DDX42: variants seen among roughly 807,000 people sequenced by gnomAD.
The protein encoded by DDX42 is DEAD-box helicase 42, also known as ATP-dependent RNA helicase DDX42.
In DDX42, 22 loss-of-function variants were observed where a neutral mutation model predicts 101.5. The observed-to-expected ratio is 0.22, with a 90% CI of 0.15 to 0.31. DDX42 has a LOEUF of 0.31. Ranked by LOEUF, DDX42 falls within the 10% of genes least tolerant of loss-of-function variation. The probability of loss-of-function intolerance (pLI) is 1.00; values close to 1 mark genes in which losing one functional copy is unlikely to be tolerated. For synonymous variants in DDX42, 402 were observed against 401.2 expected, an observed-to-expected ratio of 1.00 and a Z score of -0.02; for missense variants, 849 against 1,199.9, an observed-to-expected ratio of 0.71 and a Z score of 4.32.
intron 1 of DDX42, among the ~76,000 whole-genome samples, chr17:63,785,600 C>CT (rs57105023): frequency 0.029 from 2,374 of 80,514 alleles, 54 homozygotes; most frequent in African/African-American, 0.16. Context: ...GACCCTGTTC[C>CT]TTAAAAAAAA....
intron 16 of DDX42, among the ~76,000 whole-genome samples, chr17:63,816,255 T>C (rs2039975655): frequency 6.6e-6 from 1 of 152,212 alleles, no homozygotes; most frequent in South Asian, 2.1e-4. Context: ...CCAGTATACT[T>C]TTCTGGAGCA....
At chr17:63,800,039 C>T (rs964764548) in intron 5 of DDX42, 1 of 214,994 alleles carries the variant, frequency 4.7e-6, no homozygotes, top group Non-Finnish European at 9.2e-6. Context: ...GTCCATTAGT[C>T]TCTTTTCCCC....
intron 8 of DDX42, among the ~76,000 whole-genome samples, chr17:63,807,005 T>G (rs1416849279): frequency 6.6e-6 from 1 of 152,244 alleles, no homozygotes; most frequent in Non-Finnish European, 1.5e-5. Context: ...CATTTATATA[T>G]GGGATTTATT....
At chr17:63,796,456 A>G (rs1266193222) in intron 3 of DDX42, among the ~76,000 whole-genome samples, 1 of 152,190 alleles carries the variant, frequency 6.6e-6, no homozygotes, top group African/African-American at 2.4e-5. Context: ...AGCTGAGATT[A>G]CAGGCATGTG....
intron 1 of DDX42, among the ~76,000 whole-genome samples, chr17:63,784,579 G>A (rs1199225865): frequency 6.6e-6 from 1 of 151,816 alleles, no homozygotes; most frequent in Non-Finnish European, 1.5e-5. Context: ...CCAGGATTTC[G>A]AGACCAGCCT....
chr17:63,794,638 A>T (rs2039670320), intron 3 of DDX42, among the ~76,000 whole-genome samples: 1 of 149,746 alleles, frequency 6.7e-6, no homozygotes, highest in Admixed American at 6.7e-5. Flanking sequence ...CTGTCTATAA[A>T]AAAAAAAAAA....
At chr17:63,813,518 G>A in intron 15 of DDX42, 64 bp downstream of exon 15, 2 of 1,444,414 alleles carry the variant, frequency 1.4e-6, no homozygotes, top group Non-Finnish European at 9.5e-7. Flanking sequence ...TAGCAGTCCT[G>A]GAACAGATAA....
At chr17:63,774,803 A>G (rs1046611408) in intron 1 of DDX42, 13 of 152,214 alleles carry the variant, frequency 8.5e-5, no homozygotes, top group African/African-American at 3.1e-4. Flanking sequence ...GTGAAAAGAT[A>G]TAGGCGATGA....
intron 13 of DDX42, chr17:63,811,406 T>A (rs1052900092): frequency 2.4e-6 from 1 of 416,818 alleles, no homozygotes. Flanking sequence ...TCATTTTGTG[T>A]TTTTTTTGTT....
chr17:63,799,474 T>C, intron 4 of DDX42, 115 bp from the exon 5 acceptor site: 1 of 1,089,878 alleles, frequency 9.2e-7, no homozygotes, highest in Non-Finnish European at 1.4e-6. Context: ...GCTTTGTTAT[T>C]ATTAGTGTTG....
In DDX42 at chr17:63,818,752, GC is replaced by G. The variant is rs1358037449; in HGVS notation, c.*355del. On this transcript the variant is annotated 3_prime_UTR_variant, in exon 18 of 18. Transcript: ENST00000389924. Reference sequence around the variant, plus strand: ...TTTTTACTAAGGTGTCACCTTATAAGCATCTATAAATTGACTTCTTTTTCTT... The same window carrying G: ...TTTTTACTAAGGTGTCACCTTATAAGATCTATAAATTGACTTCTTTTTCTT... 1.1e-5 allele frequency: 2 copies of G among 184,164 alleles called. No homozygotes were observed. The highest frequency in any genetic ancestry group is 4.7e-5 in the African/African-American group (2 of 42,484). 11.4% of individuals were successfully genotyped at this position (184,164 alleles called of 1,614,324 possible).
intron 6 of DDX42, among the ~76,000 whole-genome samples, chr17:63,804,052 AAATAC>A (rs1336619312): frequency 6.6e-6 from 1 of 152,212 alleles, no homozygotes; most frequent in African/African-American, 2.4e-5. Flanking sequence ...AGATTTGTGA[AAATAC>A]AATAGTGTCA....
In DDX42 at chr17:63,795,997, C is replaced by CA. The variant is rs1381616772; in HGVS notation, c.373-2040dup. On this transcript the variant is annotated intron_variant, in intron 3 of 17. Coordinates refer to ENST00000389924, the MANE Select transcript of DDX42 (RefSeq NM_203499.3). ...CTATTCAGGGTATACGTGTGTCTTGCAGCATAGTAGGTATTTAGTTAATAT... is the reference window on the plus strand; with the variant it reads ...CTATTCAGGGTATACGTGTGTCTTGCAAGCATAGTAGGTATTTAGTTAATAT... Among the ~76,000 whole-genome samples the CA allele has an allele frequency of 2.6e-5, 4 of 152,298 alleles. No homozygotes were observed. The East Asian group carries it at 7.7e-4, about 29-fold the overall frequency.
intron 9 of DDX42, among the ~76,000 whole-genome samples, chr17:63,808,190 T>G (rs1340205443): frequency 6.6e-6 from 1 of 152,216 alleles, no homozygotes; most frequent in Non-Finnish European, 1.5e-5. Context: ...TTTATTTGCT[T>G]TTTTTGAGAC....
Position 63,807,859 on chromosome 17 carries a change from A to G in DDX42, c.982A>G (p.Ile328Val), listed in dbSNP as rs1321559571. 3.1e-6 allele frequency: 5 copies of G among 1,613,892 alleles called. No homozygotes were observed. Among genetic ancestry groups the G allele is most frequent in the African/African-American group, 1.3e-5 (1 of 74,922 alleles). ...QKELEPGDGP[I>V]AVIVCPTREL... ...GGAGTTGGAACCAGGTGATGGACCA[A>G]TTGCAGTGATTGTGTGTCCTACCAG... The change falls in exon 9 of 18, where the codon ATT becomes GTT. Residue 328 changes from isoleucine to valine, a missense_variant. Around this residue, in one of 5 missense-constraint regions of DDX42, gnomAD observed 370 missense variants for 608.8 expected, o/e 0.61. Coordinates refer to ENST00000389924, the MANE Select transcript of DDX42 (RefSeq NM_203499.3).
chr17:63,774,267 C>T lies in DDX42; in HGVS notation c.-126C>T, dbSNP rs1447180800. 1.3e-5 allele frequency: 4 copies of T among 297,148 alleles called. No homozygotes were observed. Among genetic ancestry groups the T allele is most frequent in the South Asian group, 8.4e-5 (1 of 11,862 alleles). The allele number at this position is 297,148 out of a possible 1,614,324, so 18.4% of individuals were successfully genotyped here. ...GTGGCGGCGGCGGCGGCGAAGGGGG[C>T]GGAGAGGAAGGAGCGCGGCGGGACC... is the stretch of plus-strand genomic sequence containing the variant. On this transcript the variant is annotated 5_prime_UTR_variant, in exon 1 of 18. Transcript: ENST00000389924.
At chr17:63,789,380 A>G (rs912886269) in intron 2 of DDX42, among the ~76,000 whole-genome samples, 2 of 151,836 alleles carry the variant, frequency 1.3e-5, no homozygotes, top group Admixed American at 6.6e-5. Context: ...TGCCTGGCCA[A>G]TTTTTTATTC....
At position 63,808,716 on chromosome 17, in the gene DDX42, C is replaced by T. The variant is rs769994244; in HGVS notation, c.1024-104C>T. On this transcript the variant is annotated intron_variant, in intron 9 of 17. Coordinates refer to ENST00000389924, the MANE Select transcript of DDX42 (RefSeq NM_203499.3). ...TGGTTTTAAAGTATGTTCTAGGTTT[C>T]GATTTTTTATGACATCACATTCTGT... The T allele has an allele frequency of 6.2e-6, 9 of 1,447,294 alleles. No individual in the cohort carries two copies. The Admixed American group carries it at 7.8e-5, about 13-fold the overall frequency. The allele number at this position is 1,447,294 out of a possible 1,614,324, so 89.7% of individuals were successfully genotyped here.
intron 4 of DDX42, among the ~76,000 whole-genome samples, chr17:63,799,061 T>C (rs375866885): frequency 6.6e-6 from 1 of 152,344 alleles, no homozygotes; most frequent in Admixed American, 6.5e-5. Flanking sequence ...GTGAACTGTT[T>C]AAGCGTTTTA....
Sources: gnomAD v4.1 joint callset for allele counts (sites outside exome capture counted in the v4.1 genomes callset) on GRCh38, gnomAD v4.1.1 for gene constraint, gnomAD v4.1.1 regional missense constraint, MANE v1.5 for transcripts, NCBI Gene and HGNC (gene_info 2026-07-23, HGNC 2026-07-21) for gene names.